The following KCNMA1 variants were observed in gnomAD, a reference collection of about 807,000 sequenced individuals.
KCNMA1 encodes potassium calcium-activated channel subfamily M alpha 1.
In KCNMA1, 29 loss-of-function variants were observed where a neutral mutation model predicts 140.0. The ratio of observed to expected loss-of-function variants is 0.21; its 90% confidence interval spans 0.15 to 0.28. The LOEUF is 0.28. Among genes scored for constraint, KCNMA1 ranks in the 10% least tolerant of loss-of-function variants. The pLI, the probability that KCNMA1 is intolerant of heterozygous loss-of-function variation, is 1.00. For synonymous variants in KCNMA1, 612 were observed against 611.9 expected (o/e 1.00, Z 0.00); for missense variants, 880 against 1,602.2 (o/e 0.55, Z 7.70).
intron 24 of KCNMA1, chr10:76,913,383 G>T: frequency 6.6e-6 from 1 of 152,364 alleles, no homozygotes; most frequent in East Asian, 1.9e-4. Context: ...TCCCAGAGAG[G>T]ATTCTGGGCT....
At chr10:77,159,884 G>A (rs2154076283) in intron 5 of KCNMA1, among the ~76,000 whole-genome samples, 1 of 152,164 alleles carries the variant, frequency 6.6e-6, no homozygotes, top group Middle Eastern at 3.4e-3. Flanking sequence ...CTTTTCTTTT[G>A]TTCATTCATT....
chr10:77,142,059 A>T (rs1385347704), intron 5 of KCNMA1, among the ~76,000 whole-genome samples: 1 of 152,192 alleles, frequency 6.6e-6, no homozygotes, highest in Non-Finnish European at 1.5e-5. Flanking sequence ...AATTTGGTTA[A>T]AGTGCTGTAA....
chr10:77,293,268 C>T (rs1484917935), intron 2 of KCNMA1, among the ~76,000 whole-genome samples: 1 of 152,122 alleles, frequency 6.6e-6, no homozygotes. Context: ...AAAGAGAGAC[C>T]CTTAATGCCT....
At chr10:76,977,625 A>G in intron 19 of KCNMA1, 1 of 702,950 alleles carries the variant, frequency 1.4e-6, no homozygotes, top group Non-Finnish European at 2.6e-6. Context: ...ACAAAGAACA[A>G]TGTTCTTCCC....
At chr10:77,621,246 G>A (rs143572310) in intron 1 of KCNMA1, among the ~76,000 whole-genome samples, 2 of 152,320 alleles carry the variant, frequency 1.3e-5, no homozygotes, top group African/African-American at 4.8e-5. Context: ...TGAGTGTGCA[G>A]ATTAAATTCT....
intron 2 of KCNMA1, among the ~76,000 whole-genome samples, chr10:77,277,619 A>G (rs2067038005): frequency 6.6e-6 from 1 of 152,186 alleles, no homozygotes; most frequent in African/African-American, 2.4e-5. Context: ...CAGGGGGCTT[A>G]TTCTCTGAAC....
chr10:77,527,946 T>C (rs1342735906), intron 1 of KCNMA1, among the ~76,000 whole-genome samples: 1 of 152,102 alleles, frequency 6.6e-6, no homozygotes, highest in African/African-American at 2.4e-5. Context: ...TGAGGCACCA[T>C]GGGGTGTGTT....
chr10:77,237,317 G>A (rs1444383505), intron 3 of KCNMA1, among the ~76,000 whole-genome samples: 4 of 152,188 alleles, frequency 2.6e-5, no homozygotes, highest in Non-Finnish European at 5.9e-5. Flanking sequence ...ATGTGACAAA[G>A]GAAAGACTTC....
At chr10:77,319,675 C>T (rs1031173232) in intron 2 of KCNMA1, among the ~76,000 whole-genome samples, 4 of 152,188 alleles carry the variant, frequency 2.6e-5, no homozygotes, top group Admixed American at 6.5e-5. Context: ...GTGGTTTGCT[C>T]TAGCCAATGT....
At chr10:77,357,112 A>G (rs1210943204) in intron 2 of KCNMA1, among the ~76,000 whole-genome samples, 2 of 152,256 alleles carry the variant, frequency 1.3e-5, no homozygotes, top group Non-Finnish European at 2.9e-5. Context: ...TGAACCAGTG[A>G]CAGCAAGAGA....
chr10:77,303,529 A>C (rs2077001806), intron 2 of KCNMA1, among the ~76,000 whole-genome samples: 1 of 152,228 alleles, frequency 6.6e-6, no homozygotes, highest in Admixed American at 6.5e-5. Flanking sequence ...TTTGCAATGA[A>C]GAATGTTTCA....
chr10:76,923,960 G>T (rs971394046), intron 23 of KCNMA1, among the ~76,000 whole-genome samples: 2 of 152,146 alleles, frequency 1.3e-5, no homozygotes, highest in Non-Finnish European at 2.9e-5. Flanking sequence ...AGCCAAGATT[G>T]TGCCATTGTA....
chr10:77,219,140 C>G (rs903838270), intron 3 of KCNMA1, among the ~76,000 whole-genome samples: 3 of 152,192 alleles, frequency 2.0e-5, no homozygotes, highest in Non-Finnish European at 4.4e-5. Context: ...AGCCATGCCT[C>G]CAGAGCTTTT....
At chr10:76,971,588 T>G (rs2076099734) in intron 19 of KCNMA1, among the ~76,000 whole-genome samples, 1 of 151,964 alleles carries the variant, frequency 6.6e-6, no homozygotes, top group African/African-American at 2.4e-5. Context: ...CCAGAAGAGA[T>G]GAAGGCAAGA....
intron 1 of KCNMA1, among the ~76,000 whole-genome samples, chr10:77,494,549 G>A (rs139796843): frequency 0.013 from 2,004 of 152,312 alleles, 20 homozygotes; most frequent in Non-Finnish European, 0.016. Flanking sequence ...TGGATTCTTT[G>A]CAGCCCAGAG....
At chr10:77,209,528 G>A (rs368656121) in intron 3 of KCNMA1, among the ~76,000 whole-genome samples, 8 of 152,158 alleles carry the variant, frequency 5.3e-5, no homozygotes, top group African/African-American at 1.9e-4. Flanking sequence ...ATCCAAGGGA[G>A]AATCATAAAT....
At position 77,014,579 on chromosome 10, in the gene KCNMA1, A is replaced by G. The variant is rs934250661; in HGVS notation, c.2016-2536T>C. 6.6e-5 allele frequency among the ~76,000 whole-genome samples: 10 copies of G among 152,180 alleles called. No homozygotes were observed. In the South Asian group the frequency reaches 1.0e-3, roughly 16 times the overall value. On this transcript the variant is annotated intron_variant, in intron 17 of 27. Coordinates refer to ENST00000286628, the MANE Select transcript of KCNMA1 (RefSeq NM_001161352.2). ...CATGTTTTAGATGGACATCTCCCCAATCCCTCCCAACCCCAGCCCCTGTTA... is the reference window on the plus strand; with the variant it reads ...CATGTTTTAGATGGACATCTCCCCAGTCCCTCCCAACCCCAGCCCCTGTTA...
At chr10:77,159,469 G>C (rs986117844) in intron 5 of KCNMA1, among the ~76,000 whole-genome samples, 1 of 152,108 alleles carries the variant, frequency 6.6e-6, no homozygotes, top group East Asian at 1.9e-4. Flanking sequence ...TTTGGCCCAG[G>C]GCTTGCCTAA....
chr10:77,467,194 A>C (rs998238538), intron 1 of KCNMA1, among the ~76,000 whole-genome samples: 2 of 152,128 alleles, frequency 1.3e-5, no homozygotes, highest in Non-Finnish European at 2.9e-5. Flanking sequence ...AAACTCTTAC[A>C]TTGCAGCTGC....
Sources: allele counts gnomAD v4.1 joint callset (sites outside exome capture counted in the v4.1 genomes callset), GRCh38; gene constraint gnomAD v4.1.1; transcripts MANE v1.5; gene names NCBI Gene and HGNC (gene_info 2026-07-23, HGNC 2026-07-21).